EPB41L4A: variants seen among roughly 807,000 people sequenced by gnomAD.
EPB41L4A encodes the protein band 4.1-like protein 4A.
EPB41L4A carries 100 observed loss-of-function variants against 108.6 expected under a neutral mutation model. The observed-to-expected ratio is 0.92, with a 90% CI of 0.78 to 1.09. The LOEUF is 1.09. Ranked by LOEUF, EPB41L4A falls within the 50% of genes least tolerant of loss-of-function variation. EPB41L4A has a pLI of 0.00. For synonymous variants in EPB41L4A, 319 were observed against 289.0 expected, an observed-to-expected ratio of 1.10 and a Z score of -1.05; for missense variants, 1,030 against 842.7, an observed-to-expected ratio of 1.22 and a Z score of -2.75.
chr5:112,355,586 C>T (rs1348838313), intron 1 of EPB41L4A, among the ~76,000 whole-genome samples: 1 of 152,142 alleles, frequency 6.6e-6, no homozygotes, highest in East Asian at 1.9e-4. Context: ...AGGTTTGAGA[C>T]CACTAAGAAT....
rs76164858 is a variant in EPB41L4A, at chr5:112,407,825, C to T, written c.99+11116G>A. ...TAGCAGCAGCAGGACTAAAACAATC[C>T]TTCAATCAGTCTTTTGACAAATATT... On this transcript the variant is annotated intron_variant, in intron 1 of 22. Transcript: ENST00000261486. Among the ~76,000 whole-genome samples the T allele has an allele frequency of 8.9e-3, 1,361 of 152,280 alleles. 12 individuals carry two copies. The highest frequency in any genetic ancestry group is 0.032 in the African/African-American group (1,312 of 41,550).
intron 1 of EPB41L4A, among the ~76,000 whole-genome samples, chr5:112,323,130 G>A (rs920553587): frequency 5.3e-5 from 8 of 152,110 alleles, no homozygotes; most frequent in Admixed American, 3.9e-4. Flanking sequence ...AGATGTGGAA[G>A]ATGTAACCAG....
At chr5:112,326,913 T>TA (rs546337315) in intron 1 of EPB41L4A, among the ~76,000 whole-genome samples, 75 of 152,228 alleles carry the variant, frequency 4.9e-4, no homozygotes, top group African/African-American at 1.8e-3. Context: ...CAGGATTCAT[T>TA]AAAAAAATAT....
chr5:112,262,896 T>C (rs1751592737), intron 6 of EPB41L4A, among the ~76,000 whole-genome samples: 1 of 152,146 alleles, frequency 6.6e-6, no homozygotes, highest in South Asian at 2.1e-4. Flanking sequence ...GCACTCAAAT[T>C]AAACACCATC....
chr5:112,334,749 T>G (rs532226614), intron 1 of EPB41L4A, among the ~76,000 whole-genome samples: 3 of 152,264 alleles, frequency 2.0e-5, no homozygotes, highest in African/African-American at 7.2e-5. Context: ...CCCAACCACC[T>G]TGGGCGCATG....
intron 1 of EPB41L4A, among the ~76,000 whole-genome samples, chr5:112,360,890 A>T (rs443024): frequency 0.83 from 124,612 of 150,792 alleles, 51,488 homozygotes; most frequent in South Asian, 0.93. Context: ...GCCTCGACCC[A>T]GTCTGGGAAA....
chr5:112,148,486 C>A (rs2112795757), intron 12 of EPB41L4A, among the ~76,000 whole-genome samples: 1 of 151,840 alleles, frequency 6.6e-6, no homozygotes, highest in East Asian at 1.9e-4. Context: ...ATCAAGACTA[C>A]CAATTATTTT....
At chr5:112,308,219 T>C (rs1053831575) in intron 1 of EPB41L4A, among the ~76,000 whole-genome samples, 11 of 152,186 alleles carry the variant, frequency 7.2e-5, no homozygotes, top group Non-Finnish European at 4.4e-5. Context: ...CTTGTATAGA[T>C]ACAGCCTCTT....
rs1483436063 is a variant in EPB41L4A, at chr5:112,182,459, G to GT, written c.1622+1556dup. ...TTTATTTACTATTGCCTCCAGGAATGTTTTTTGACTTCTTCAAAACTTATA... is the reference window on the plus strand; with the variant it reads ...TTTATTTACTATTGCCTCCAGGAATGTTTTTTTGACTTCTTCAAAACTTATA... On this transcript the variant is annotated intron_variant, in intron 18 of 22. Coordinates refer to ENST00000261486, the MANE Select transcript of EPB41L4A (RefSeq NM_022140.5). Among the ~76,000 whole-genome samples the GT allele has an allele frequency of 2.0e-5, 3 of 152,190 alleles. No homozygotes were observed. In the East Asian group the frequency reaches 5.8e-4, roughly 29 times the overall value.
At chr5:112,211,278 GAC>G (rs1211658831) in intron 12 of EPB41L4A, among the ~76,000 whole-genome samples, 1 of 152,052 alleles carries the variant, frequency 6.6e-6, no homozygotes, top group African/African-American at 2.4e-5. Context: ...AACTGGGAGA[GAC>G]AGACTCTTAA....
chr5:112,388,885 G>A (rs867188471), intron 1 of EPB41L4A, among the ~76,000 whole-genome samples: 1 of 152,166 alleles, frequency 6.6e-6, no homozygotes, highest in African/African-American at 2.4e-5. Flanking sequence ...TAACAAGGGA[G>A]TTTCCAAGCC....
intron 19 of EPB41L4A, 52 bp downstream of exon 19, chr5:112,170,893 G>A (rs901187779): frequency 1.3e-6 from 2 of 1,514,864 alleles, no homozygotes; most frequent in Non-Finnish European, 1.8e-6. Flanking sequence ...CCTTGCAATT[G>A]CATTAAAACT....
At chr5:112,329,208 A>G (rs1484420273) in intron 1 of EPB41L4A, among the ~76,000 whole-genome samples, 1 of 152,270 alleles carries the variant, frequency 6.6e-6, no homozygotes, top group Non-Finnish European at 1.5e-5. Flanking sequence ...TTACATGTTG[A>G]AATAATATTT....
chr5:112,403,084 G>A (rs1022828486), intron 1 of EPB41L4A, among the ~76,000 whole-genome samples: 8 of 151,922 alleles, frequency 5.3e-5, no homozygotes, highest in Admixed American at 3.3e-4. Context: ...AACATATGAG[G>A]AGCCTCTAGT....
intron 12 of EPB41L4A, among the ~76,000 whole-genome samples, chr5:112,212,218 C>A (rs143906212): frequency 1.3e-5 from 2 of 151,820 alleles, no homozygotes; most frequent in African/African-American, 4.8e-5. Context: ...ATGTGGTACA[C>A]GTCTGGGGCA....
intron 1 of EPB41L4A, among the ~76,000 whole-genome samples, chr5:112,391,530 A>G (rs1183683007): frequency 6.6e-6 from 1 of 151,176 alleles, no homozygotes; most frequent in Non-Finnish European, 1.5e-5. Flanking sequence ...AAGTGTAGAG[A>G]AAAAAGAGTA....
At chr5:112,176,465 C>G (rs7717363) in intron 18 of EPB41L4A, among the ~76,000 whole-genome samples, 101,882 of 151,946 alleles carry the variant, frequency 0.67, 35,074 homozygotes, top group East Asian at 0.99. Flanking sequence ...TTCTCTCCCC[C>G]CCAAAACATT....
At chr5:112,165,862 C>G (rs1298379375) in intron 22 of EPB41L4A, among the ~76,000 whole-genome samples, 2 of 152,166 alleles carry the variant, frequency 1.3e-5, no homozygotes, top group Non-Finnish European at 2.9e-5. Flanking sequence ...ATGCAGCTAC[C>G]TTTAATCTGT....
intron 20 of EPB41L4A, 71 bp downstream of exon 20, chr5:112,170,230 T>C (rs923133333): frequency 1.5e-5 from 22 of 1,430,644 alleles, no homozygotes; most frequent in African/African-American, 7.1e-5. Flanking sequence ...TGGAACACAA[T>C]TGAAGAATTA....
Sources: gnomAD v4.1 joint callset for allele counts (sites outside exome capture counted in the v4.1 genomes callset) on GRCh38, gnomAD v4.1.1 for gene constraint, MANE v1.5 for transcripts, NCBI Gene and HGNC (gene_info 2026-07-23, HGNC 2026-07-21) for gene names.